LRRC7: variants seen among roughly 807,000 people sequenced by gnomAD.
LRRC7 encodes leucine-rich repeat-containing protein 7.
A neutral mutation model predicts 175.7 loss-of-function variants in LRRC7; 23 were observed. The ratio of observed to expected loss-of-function variants is 0.13; its 90% CI spans 0.09 to 0.19. The LOEUF is 0.19. LRRC7 is among the 10% of genes least tolerant of loss of function. The pLI, the probability that LRRC7 is intolerant of heterozygous loss-of-function variation, is 1.00. For synonymous variants in LRRC7, 685 were observed against 680.9 expected, an observed-to-expected ratio of 1.01 and a Z score of -0.09; for missense variants, 1,354 against 1,904.7, an observed-to-expected ratio of 0.71 and a Z score of 5.38.
chr1:69,975,020 A>G (rs1652666768), intron 8 of LRRC7, among the ~76,000 whole-genome samples: 1 of 152,202 alleles, frequency 6.6e-6, no homozygotes, highest in Admixed American at 6.5e-5. Flanking sequence ...AAGTGGGATT[A>G]TTATCACCTT....
intron 2 of LRRC7, among the ~76,000 whole-genome samples, chr1:69,742,727 G>C (rs1300583618): frequency 6.6e-6 from 1 of 151,898 alleles, no homozygotes; most frequent in Non-Finnish European, 1.5e-5. Context: ...CATAGACCTT[G>C]GTTGTTTTAA....
intron 7 of LRRC7, among the ~76,000 whole-genome samples, chr1:69,842,231 A>G (rs933770734): frequency 2.5e-4 from 38 of 152,132 alleles, no homozygotes; most frequent in African/African-American, 8.9e-4. Flanking sequence ...CAGAAGTAAC[A>G]TAACATCATA....
intron 25 of LRRC7, among the ~76,000 whole-genome samples, chr1:70,091,077 C>A (rs530817123): frequency 6.6e-6 from 1 of 152,248 alleles, no homozygotes; most frequent in South Asian, 2.1e-4. Flanking sequence ...GGTCAACAGG[C>A]TGGAGCAGCT....
At chr1:69,762,943 A>AT (rs569950765) in intron 3 of LRRC7, among the ~76,000 whole-genome samples, 12 of 151,778 alleles carry the variant, frequency 7.9e-5, no homozygotes, top group Non-Finnish European at 1.5e-4. Context: ...TCAAGGTTGA[A>AT]TTTTTTTTAC....
At chr1:69,594,800 A>G (rs1350474276) in intron 1 of LRRC7, among the ~76,000 whole-genome samples, 4 of 152,122 alleles carry the variant, frequency 2.6e-5, no homozygotes, top group African/African-American at 9.7e-5. Flanking sequence ...TAAAACCTAG[A>G]TGTGGTCAAA....
chr1:69,608,915 T>C (rs1773326), intron 1 of LRRC7, among the ~76,000 whole-genome samples: 20,326 of 139,032 alleles, frequency 0.15, 1,767 homozygotes, highest in South Asian at 0.18. Flanking sequence ...CACACACACA[T>C]ATATATAAAA....
At chr1:69,974,582 A>C (rs1557947068) in intron 8 of LRRC7, among the ~76,000 whole-genome samples, 2 of 152,206 alleles carry the variant, frequency 1.3e-5, no homozygotes, top group Non-Finnish European at 2.9e-5. Context: ...AAATGTGATC[A>C]ATGTGTTGGT....
intron 24 of LRRC7, among the ~76,000 whole-genome samples, chr1:70,086,477 G>A (rs764365669): frequency 1.8e-4 from 28 of 151,984 alleles, no homozygotes; most frequent in Admixed American, 3.3e-4. Context: ...CTTTAAAACC[G>A]GTCTCTTAAA....
intron 8 of LRRC7, among the ~76,000 whole-genome samples, chr1:69,942,338 G>C (rs775108328): frequency 3.2e-4 from 48 of 152,006 alleles, no homozygotes; most frequent in Non-Finnish European, 6.3e-4. Flanking sequence ...TGCAACAGAG[G>C]GGAAGCAAAA....
At chr1:69,668,104 GC>G (rs1658537347) in intron 1 of LRRC7, among the ~76,000 whole-genome samples, 1 of 151,768 alleles carries the variant, frequency 6.6e-6, no homozygotes, top group Admixed American at 6.6e-5. Context: ...TAAAAACTCA[GC>G]ACCTTAACTT....
At chr1:69,812,716 T>C (rs765164872) in intron 4 of LRRC7, among the ~76,000 whole-genome samples, 17 of 152,168 alleles carry the variant, frequency 1.1e-4, no homozygotes, top group Admixed American at 2.0e-4. Flanking sequence ...TGATGATATG[T>C]GTAAAATTCA....
In LRRC7 at chr1:70,016,504, G is replaced by A. The variant is rs1224886827; in HGVS notation, c.1290G>A (p.Glu430=). The A allele has an allele frequency of 1.3e-6, 2 of 1,583,784 alleles. No individual in the cohort carries two copies. Among genetic ancestry groups the A allele is most frequent in the Non-Finnish European group, 1.7e-6 (2 of 1,166,314 alleles). Residue 430 remains glutamate, a synonymous_variant, in exon 14 of 27, where the codon GAG becomes GAA. Transcript: ENST00000651989. ...CATTCTCATTTACCAAACTTAAAGA[G>A]CTTGCAGCTTTGTGGCTTTCTGACA... ...NLPFSFTKLK[E]LAALWLSDNQ... is the part of the protein sequence containing the mutation.
intron 1 of LRRC7, among the ~76,000 whole-genome samples, chr1:69,628,298 T>C (rs1400285162): frequency 6.6e-6 from 1 of 152,080 alleles, no homozygotes; most frequent in Non-Finnish European, 1.5e-5. Flanking sequence ...GGATAGAAAG[T>C]CAACACACAA....
At chr1:70,026,892 C>T (rs916577378) in intron 17 of LRRC7, among the ~76,000 whole-genome samples, 8 of 152,066 alleles carry the variant, frequency 5.3e-5, no homozygotes, top group Non-Finnish European at 1.0e-4. Flanking sequence ...AAGAATAACA[C>T]AGTTGGTGGA....
Position 69,819,577 on chromosome 1 carries a change from C to CTGTG in LRRC7, c.422-6135_422-6132dup, listed in dbSNP as rs71071379. 9.1e-3 allele frequency among the ~76,000 whole-genome samples: 1,043 copies of CTGTG among 114,950 alleles called. 7 individuals are homozygous for CTGTG. The highest frequency in any genetic ancestry group is 0.02 in the African/African-American group (648 of 32,042). The allele number at this position is 114,950 out of a possible 152,430, so 75.4% of individuals were successfully genotyped here. A position where few individuals can be genotyped will look rare whatever the true frequency, so the allele number is the denominator to read the frequency against. On this transcript the variant is annotated intron_variant, in intron 4 of 26. Transcript: ENST00000651989. The stretch of plus-strand genomic sequence containing the variant: ...ATGCTCTCTCTCTCTCTCTCTCTCT[C>CTGTG]TGTGTGTGTGTGTGTGTGTGTGTGT...
chr1:69,785,684 T>C (rs920347702), intron 3 of LRRC7, among the ~76,000 whole-genome samples: 1 of 152,174 alleles, frequency 6.6e-6, no homozygotes, highest in Non-Finnish European at 1.5e-5. Flanking sequence ...ATTCTAGAAA[T>C]GTAAACATAC....
chr1:69,983,047 AC>A (rs1427598101), intron 9 of LRRC7, among the ~76,000 whole-genome samples: 3 of 152,238 alleles, frequency 2.0e-5, no homozygotes, highest in Non-Finnish European at 4.4e-5. Flanking sequence ...TGATAAAGGA[AC>A]AAAAAAGAAA....
intron 14 of LRRC7, 103 bp from the exon 15 acceptor site, chr1:70,018,616 T>C: frequency 1.7e-6 from 1 of 589,418 alleles, no homozygotes; most frequent in Non-Finnish European, 2.8e-6. Flanking sequence ...ATTTCTTTTT[T>C]CACTTTTTCC....
chr1:69,960,422 T>C (rs545720360), intron 8 of LRRC7, among the ~76,000 whole-genome samples: 7 of 152,242 alleles, frequency 4.6e-5, no homozygotes, highest in African/African-American at 1.4e-4. Flanking sequence ...ATTAAGTTTT[T>C]CAAAAAGCTA....
Sources: allele counts gnomAD v4.1 joint callset (sites outside exome capture counted in the v4.1 genomes callset), GRCh38; gene constraint gnomAD v4.1.1; transcripts MANE v1.5; gene names NCBI Gene and HGNC (gene_info 2026-07-23, HGNC 2026-07-21).